The following SPATA31A1 variants were observed in gnomAD, a reference collection of about 807,000 sequenced individuals.
The protein encoded by SPATA31A1 is spermatogenesis-associated protein 31A1.
For missense variants in SPATA31A1, 579 were observed against 1,476.3 expected, an observed-to-expected ratio of 0.39 and a Z score of 9.96; for synonymous variants, 194 against 573.4, an observed-to-expected ratio of 0.34 and a Z score of 9.45.
At chr9:39,357,641 A>T in intron 2 of SPATA31A1, 117 bp from the exon 3 acceptor site, 1 of 1,595,504 alleles carries the variant, frequency 6.3e-7, no homozygotes, top group Non-Finnish European at 8.6e-7. Flanking sequence ...TTGGACACAG[A>T]TGGGTGGGGC....
At position 39,360,676 on chromosome 9, in the gene SPATA31A1, C is replaced by T; in HGVS notation, c.2911C>T (p.Gln971Ter). The T allele has an allele frequency of 6.2e-7, 1 of 1,611,972 alleles. No homozygotes were observed. Among genetic ancestry groups the T allele is most frequent in the Non-Finnish European group, 8.5e-7 (1 of 1,179,622 alleles). The change falls in exon 4 of 4, where the codon CAA becomes TAA. Residue 971 changes from glutamine (Q) to a stop codon, truncating the protein, a stop_gained. Coordinates refer to ENST00000377647, the MANE Select transcript of SPATA31A1 (RefSeq NM_001085452.4). LOFTEE classifies it low-confidence loss of function (END_TRUNC). ...PLETCMLANL[Q>*]ATSEDMHGFE... is the part of the protein sequence containing the mutation. ...GGAAACCTGTATGCTGGCAAACCTC[C>T]AAGCCACAAGTGAGGATATGCATGG...
rs1823453590 is a variant in SPATA31A1 at position 39,361,043 on chromosome 9, G to C, written c.3278G>C (p.Cys1093Ser). The stretch of plus-strand genomic sequence containing the variant: ...CACGAGGAGCCCAGAAACCCAAACT[G>C]TCAAGGCTCATGCAAGAACCAAAGG... The part of the protein sequence containing the change: ...LVHEEPRNPN[C>S]QGSCKNQRPM... Residue 1093 changes from cysteine to serine, a missense_variant, in exon 4 of 4, where the codon TGT becomes TCT. Physicochemically the swap from Cys to Ser is moderately radical, Grantham distance 112 (BLOSUM62 -1). Coordinates refer to ENST00000377647, the MANE Select transcript of SPATA31A1 (RefSeq NM_001085452.4). 3.1e-6 allele frequency: 5 copies of C among 1,611,022 alleles called. No homozygotes were observed. The highest frequency in any genetic ancestry group is 4.2e-6 in the Non-Finnish European group (5 of 1,179,748).
rs79995634 is a variant in SPATA31A1, at chr9:39,357,589, C to T, written c.248-169C>T. Among the ~76,000 whole-genome samples, 1,418 of 148,488 alleles carry T rather than the reference C, an allele frequency of 9.5e-3. 12 individuals are homozygous for T. The highest frequency in any genetic ancestry group is 0.013 in the Non-Finnish European group (852 of 67,354). ...GAAGCCCTTTGTGAATGAAAAAGCCCTGTCCTCCATGCATTGCTATTAACG... is the reference window on the plus strand; with the variant it reads ...GAAGCCCTTTGTGAATGAAAAAGCCTTGTCCTCCATGCATTGCTATTAACG... On this transcript the variant is annotated intron_variant, in intron 2 of 3. Coordinates refer to ENST00000377647, the MANE Select transcript of SPATA31A1 (RefSeq NM_001085452.4).
chr9:39,359,199 G>A lies in SPATA31A1; in HGVS notation c.1434G>A (p.Glu478=). The A allele has an allele frequency of 6.2e-7, 1 of 1,611,790 alleles. No homozygotes were observed. ...QAQPPSHLGP[E]CQPFISSTPQ... is the part of the protein sequence containing the mutation. Reference sequence around the variant, plus strand: ...AGCCCCCGTCCCATCTGGGGCCCGAGTGCCAACCCTTTATTTCATCCACAC... The same window carrying A: ...AGCCCCCGTCCCATCTGGGGCCCGAATGCCAACCCTTTATTTCATCCACAC... Residue 478 remains glutamate, a synonymous_variant, in exon 4 of 4, where the codon GAG becomes GAA. Coordinates refer to ENST00000377647, the MANE Select transcript of SPATA31A1 (RefSeq NM_001085452.4).
At position 39,356,482 on chromosome 9, in the gene SPATA31A1, C is replaced by T. The variant is rs1199209127; in HGVS notation, c.189+563C>T. Among the ~76,000 whole-genome samples the T allele has an allele frequency of 1.4e-4, 17 of 124,022 alleles. 1 individual carries two copies. In the South Asian group the frequency reaches 5.1e-3, roughly 37 times the overall value. The allele number at this position is 124,022 out of a possible 152,430, so 81.4% of individuals were successfully genotyped here. A position where few individuals can be genotyped will look rare whatever the true frequency, so the allele number is the denominator to read the frequency against. Reference sequence around the variant, plus strand: ...GGTGGACCTCATATTGAAAATCCCTCTGTGTGTGTGTGTGTGTGTGTGTGT... The same window carrying T: ...GGTGGACCTCATATTGAAAATCCCTTTGTGTGTGTGTGTGTGTGTGTGTGT... On this transcript the variant is annotated intron_variant, in intron 1 of 3. Coordinates refer to ENST00000377647, the MANE Select transcript of SPATA31A1 (RefSeq NM_001085452.4).
At position 39,361,168 on chromosome 9, in the gene SPATA31A1, C is replaced by G. The variant is rs1421682078; in HGVS notation, c.3403C>G (p.Pro1135Ala). ...LEGLRTPQLT[P>A]VRKTEDTHQD... is the part of the protein sequence containing the mutation. ...AGGATTGAGGACTCCTCAACTTACC[C>G]CAGTCAGGAAAACAGAAGACACCCA... The change falls in exon 4 of 4, where the codon CCA becomes GCA. Residue 1135 changes from proline (P) to alanine (A), a missense_variant. Coordinates refer to ENST00000377647, the MANE Select transcript of SPATA31A1 (RefSeq NM_001085452.4). The G allele has an allele frequency of 1.9e-5, 31 of 1,611,162 alleles. 2 individuals are homozygous for G. The South Asian group carries it at 3.4e-4, about 18-fold the overall frequency.
rs1823367877 is a variant in SPATA31A1 at position 39,357,903 on chromosome 9, G to T, written c.308+85G>T. The T allele has an allele frequency of 5.2e-6, 8 of 1,529,674 alleles. No individual in the cohort carries two copies. The East Asian group carries it at 1.8e-4, about 35-fold the overall frequency. The allele number at this position is 1,529,674 out of a possible 1,614,324, so 94.8% of individuals were successfully genotyped here. On this transcript the variant is annotated intron_variant, in intron 3 of 3. Coordinates refer to ENST00000377647, the MANE Select transcript of SPATA31A1 (RefSeq NM_001085452.4). ...CACAGGCAGCCTGGAGCTGACCTGG[G>T]ATGGGGAGACCAGGGGTACAGAGGA...
chr9:39,356,422 C>T (rs1183670984), intron 1 of SPATA31A1, among the ~76,000 whole-genome samples: 2 of 118,904 alleles, frequency 1.7e-5, no homozygotes, highest in East Asian at 5.5e-4. Flanking sequence ...CTTGGGTGTT[C>T]CTGGAGCAGA....
Position 39,361,644 on chromosome 9 carries a change from T to C in SPATA31A1, c.3879T>C (p.Ser1293=). The part of the protein sequence containing the change: ...RQIRNQQPLK[S]VRCNNEQWGL... ...TCAGAAATCAACAGCCCTTGAAAAG[T>C]GTGCGGTGCAACAATGAGCAATGGG... Residue 1293 remains serine, a synonymous_variant, in exon 4 of 4, where the codon AGT becomes AGC. Transcript: ENST00000377647. 6.2e-7 allele frequency: 1 copy of C among 1,613,410 alleles called. No homozygotes were observed. The highest frequency in any genetic ancestry group is 2.2e-5 in the East Asian group (1 of 44,870).
Position 39,361,237 on chromosome 9 carries a change from C to A in SPATA31A1, c.3472C>A (p.Pro1158Thr). The change falls in exon 4 of 4, where the codon CCT becomes ACT. Residue 1158 changes from proline to threonine, a missense_variant. Transcript: ENST00000377647. ...VQLLPSKKQP[P>T]SVSHFGGNIK... ...GCTACTGCCATCAAAGAAACAGCCT[C>A]CTTCAGTAAGCCACTTTGGAGGAAA... The A allele has an allele frequency of 6.2e-7, 1 of 1,611,656 alleles. No individual in the cohort carries two copies. The highest frequency in any genetic ancestry group is 1.1e-5 in the South Asian group (1 of 90,962).
chr9:39,357,688 C>T (rs1035251375), intron 2 of SPATA31A1, 70 bp from the exon 3 acceptor site: 14 of 1,554,778 alleles, frequency 9.0e-6, no homozygotes, highest in Non-Finnish European at 1.2e-5. Flanking sequence ...CCTAAAGAAA[C>T]AGCCACTCAG....
chr9:39,361,406 G>A lies in SPATA31A1; in HGVS notation c.3641G>A (p.Gly1214Glu), dbSNP rs1322117998. The change falls in exon 4 of 4, where the codon GGA (glycine) becomes GAA (glutamate). Residue 1214 changes from glycine (G) to glutamate (E), a missense_variant. Gly to Glu is a moderately conservative substitution (Grantham distance 98). Transcript: ENST00000377647. ...AEAQGLMTAV[G>E]QMLDEKMSLC... ...GCTCAGGGTCTCATGACGGCAGTTG[G>A]ACAAATGCTGGACGAGAAAATGTCA... The A allele has an allele frequency of 1.2e-5, 19 of 1,613,460 alleles. No individual in the cohort carries two copies. In the Admixed American group the frequency reaches 2.0e-4, roughly 17 times the overall value.
chr9:39,361,723 C>T lies in SPATA31A1; in HGVS notation c.3958C>T (p.Pro1320Ser), dbSNP rs1823473932. The change falls in exon 4 of 4, where the codon CCC becomes TCC. Residue 1320 changes from proline (P) to serine (S), a missense_variant. Pro to Ser is a moderately conservative substitution (Grantham distance 74, BLOSUM62 -1). Coordinates refer to ENST00000377647, the MANE Select transcript of SPATA31A1 (RefSeq NM_001085452.4). ...HPKKAVSPVS[P>S]LQHWPKTSGA... Reference sequence around the variant, plus strand: ...CAAGAAAGCTGTATCCCCAGTCAGTCCCCTTCAGCACTGGCCGAAGACATC... The same window carrying T: ...CAAGAAAGCTGTATCCCCAGTCAGTTCCCTTCAGCACTGGCCGAAGACATC... 1 of 1,612,404 alleles carries T rather than the reference C, an allele frequency of 6.2e-7. No individual in the cohort carries two copies. Among genetic ancestry groups the T allele is most frequent in the Non-Finnish European group, 8.5e-7 (1 of 1,179,610 alleles).
chr9:39,356,652 G>T (rs1823335918), intron 1 of SPATA31A1, among the ~76,000 whole-genome samples: 1 of 26,298 alleles, frequency 3.8e-5, no homozygotes, highest in African/African-American at 1.8e-4. Flanking sequence ...CAGTGAAATG[G>T]AGTGATATCG....
Position 39,361,914 on chromosome 9 carries a change from C to A in SPATA31A1, c.*105C>A, listed in dbSNP as rs1823478260. 2.7e-5 allele frequency: 36 copies of A among 1,316,272 alleles called. 1 individual carries two copies. In the South Asian group the frequency reaches 4.3e-4, roughly 16 times the overall value. 81.5% of individuals were successfully genotyped at this position (1,316,272 alleles called of 1,614,324 possible). ...AAAAATATTTTCTCTCATGTTAGTACATGCAGAACATTTAATATACCACAA... is the reference window on the plus strand; with the variant it reads ...AAAAATATTTTCTCTCATGTTAGTAAATGCAGAACATTTAATATACCACAA... On this transcript the variant is annotated 3_prime_UTR_variant, in exon 4 of 4. Transcript: ENST00000377647.
Position 39,361,006 on chromosome 9 carries a change from A to C in SPATA31A1, c.3241A>C (p.Ser1081Arg), listed in dbSNP as rs1196020656. The change falls in exon 4 of 4, where the codon AGC becomes CGC. Residue 1081 changes from serine (S) to arginine (R), a missense_variant. Transcript: ENST00000377647. Reference protein sequence around the residue: ...ELHDLMAARRSKLVHEEPRNP... With the variant: ...ELHDLMAARRRKLVHEEPRNP... Reference sequence around the variant, plus strand: ...ACATGACCTTATGGCAGCCAGAAGGAGCAAACTGGTGCACGAGGAGCCCAG... The same window carrying C: ...ACATGACCTTATGGCAGCCAGAAGGCGCAAACTGGTGCACGAGGAGCCCAG... The C allele has an allele frequency of 1.3e-4, 215 of 1,610,774 alleles. 3 individuals carry two copies. In the African/African-American group the frequency reaches 2.7e-3, roughly 20 times the overall value.
Position 39,361,324 on chromosome 9 carries a change from G to T in SPATA31A1, c.3559G>T (p.Ala1187Ser), listed in dbSNP as rs1823461485. Reference protein sequence around the residue: ...KKKSKPAPVTAESQKTVKNRS... With the variant: ...KKKSKPAPVTSESQKTVKNRS... ...AAAAAGCAAGCCAGCACCAGTCACT[G>T]CTGAGAGCCAAAAAACAGTGAAAAA... The change falls in exon 4 of 4, where the codon GCT becomes TCT. Residue 1187 changes from alanine (A) to serine (S), a missense_variant. Physicochemically the swap from Ala to Ser is moderately conservative, Grantham distance 99. Transcript: ENST00000377647. 1 of 1,613,406 alleles carries T rather than the reference G, an allele frequency of 6.2e-7. No individual in the cohort carries two copies. The highest frequency in any genetic ancestry group is 1.3e-5 in the African/African-American group (1 of 74,710).
At position 39,361,842 on chromosome 9, in the gene SPATA31A1, C is replaced by T. The variant is rs1823476750; in HGVS notation, c.*33C>T. The T allele has an allele frequency of 1.9e-6, 3 of 1,607,200 alleles. No individual in the cohort carries two copies. In the East Asian group the frequency reaches 6.7e-5, roughly 36 times the overall value. On this transcript the variant is annotated 3_prime_UTR_variant, in exon 4 of 4. Transcript: ENST00000377647. ...AGTCACAAATTCTTTTTTAGCCTTC[C>T]CTGGAGAAAAAGAAGTCCCCAAGAA...
Position 39,355,874 on chromosome 9 carries a change from C to T in SPATA31A1, c.144C>T (p.Tyr48=). 9.5e-6 allele frequency: 3 copies of T among 315,438 alleles called. No individual in the cohort carries two copies. Among genetic ancestry groups the T allele is most frequent in the Non-Finnish European group, 1.5e-5 (3 of 202,478 alleles). The allele number at this position is 315,438 out of a possible 1,614,324, so 19.5% of individuals were successfully genotyped here. Residue 48 remains tyrosine, a synonymous_variant, in exon 1 of 4, where the codon TAC becomes TAT. Transcript: ENST00000377647. ...FFFLLLPYLS[Y]FRCDDPPSPS... is the part of the protein sequence containing the mutation. ...TCCTATTACTCCCCTACTTATCTTACTTCCGTTGTGATGACCCACCCTCAC... is the reference window on the plus strand; with the variant it reads ...TCCTATTACTCCCCTACTTATCTTATTTCCGTTGTGATGACCCACCCTCAC...
Sources: gnomAD v4.1 joint callset for allele counts (sites outside exome capture counted in the v4.1 genomes callset) on GRCh38, gnomAD v4.1.1 for gene constraint, MANE v1.5 for transcripts, NCBI Gene and HGNC (gene_info 2026-07-23, HGNC 2026-07-21) for gene names.